ABCC4: variants seen among roughly 807,000 people sequenced by gnomAD.
The protein encoded by ABCC4 is ATP-binding cassette sub-family C member 4.
ABCC4 carries 102 observed loss-of-function variants against 168.5 expected under a neutral mutation model. The observed-to-expected ratio is 0.61, with a 90% CI of 0.52 to 0.71. ABCC4 has a LOEUF of 0.71. ABCC4 is among the 30% of genes least tolerant of loss of function. The probability of loss-of-function intolerance (pLI) is 0.00; values close to 1 mark genes in which losing one functional copy is unlikely to be tolerated. For missense variants in ABCC4, 1,402 were observed against 1,605.8 expected, an observed-to-expected ratio of 0.87 and a Z score of 2.17; for synonymous variants, 617 against 590.7, an observed-to-expected ratio of 1.04 and a Z score of -0.65.
intron 9 of ABCC4, among the ~76,000 whole-genome samples, chr13:95,191,424 A>C (rs2038247733): frequency 6.6e-6 from 1 of 152,192 alleles, no homozygotes; most frequent in East Asian, 1.9e-4. Flanking sequence ...ATTATATAAC[A>C]ACCACCCAGA....
chr13:95,209,694 A>G, intron 5 of ABCC4, 97 bp from the exon 6 acceptor site: 2 of 1,216,908 alleles, frequency 1.6e-6, no homozygotes, highest in Non-Finnish European at 2.2e-6. Context: ...AACAGGCAAG[A>G]TCCTAAACAG....
chr13:95,107,676 C>T (rs1231533621), intron 20 of ABCC4, among the ~76,000 whole-genome samples: 1 of 152,126 alleles, frequency 6.6e-6, no homozygotes, highest in East Asian at 1.9e-4. Flanking sequence ...CCTGTAATCC[C>T]AGCACTTTGG....
intron 19 of ABCC4, among the ~76,000 whole-genome samples, chr13:95,126,928 T>G (rs899596455): frequency 2.0e-5 from 3 of 149,364 alleles, no homozygotes; most frequent in African/African-American, 7.4e-5. Context: ...GGGGGGAAAT[T>G]TAACCATTGA....
chr13:95,207,859 C>T lies in ABCC4; in HGVS notation c.852G>A (p.Arg284=). 6.2e-7 allele frequency: 1 copy of T among 1,613,504 alleles called. No individual in the cohort carries two copies. Among genetic ancestry groups the T allele is most frequent in the Non-Finnish European group, 8.5e-7 (1 of 1,179,872 alleles). The change falls in exon 7 of 31, where the codon AGG becomes AGA. Residue 284 remains arginine, a synonymous_variant. Transcript: ENST00000645237. Reference sequence around the variant, plus strand: ...TTTCCCAGGCGTACATTTTTATTATCCTTATACCAGTTATAACTTCATTCA... The same window carrying T: ...TTTCCCAGGCGTACATTTTTATTATTCTTATACCAGTTATAACTTCATTCA... ...RTMNEVITGI[R]IIKMYAWEKS...
chr13:95,211,151 C>T (rs1174443987), intron 4 of ABCC4, among the ~76,000 whole-genome samples: 2 of 152,184 alleles, frequency 1.3e-5, no homozygotes, highest in East Asian at 1.9e-4. Context: ...ACTATAAATC[C>T]GTACCAATCA....
chr13:95,204,476 C>T (rs1307739563), intron 8 of ABCC4, among the ~76,000 whole-genome samples: 1 of 152,104 alleles, frequency 6.6e-6, no homozygotes, highest in African/African-American at 2.4e-5. Context: ...ATAGTGAGTT[C>T]TCATGAGATC....
intron 19 of ABCC4, among the ~76,000 whole-genome samples, chr13:95,121,300 A>T (rs2035561720): frequency 6.6e-6 from 1 of 152,196 alleles, no homozygotes; most frequent in African/African-American, 2.4e-5. Context: ...TTATGAAGGG[A>T]TCTTCTAAAT....
chr13:95,022,859 G>T (rs1410175702), intron 30 of ABCC4, among the ~76,000 whole-genome samples: 1 of 152,142 alleles, frequency 6.6e-6, no homozygotes, highest in Non-Finnish European at 1.5e-5. Flanking sequence ...TTGCACACTT[G>T]TTACTCCAGA....
At chr13:95,100,909 C>T (rs997556537) in intron 20 of ABCC4, among the ~76,000 whole-genome samples, 1 of 152,152 alleles carries the variant, frequency 6.6e-6, no homozygotes, top group Non-Finnish European at 1.5e-5. Context: ...ATGACAAAGT[C>T]ATTGTTCAGT....
chr13:95,170,235 C>G, intron 14 of ABCC4: 1 of 261,470 alleles, frequency 3.8e-6, no homozygotes, highest in Non-Finnish European at 7.3e-6. Context: ...GTCTTAGAGT[C>G]TGTAATTTCC....
intron 20 of ABCC4, among the ~76,000 whole-genome samples, chr13:95,111,912 T>C (rs1426756485): frequency 6.6e-6 from 1 of 152,140 alleles, no homozygotes; most frequent in Non-Finnish European, 1.5e-5. Context: ...TCCTCTCAGA[T>C]CTACCCCTCC....
chr13:95,276,414 C>CA (rs60996116), intron 1 of ABCC4, among the ~76,000 whole-genome samples: 1,332 of 87,576 alleles, frequency 0.015, 20 homozygotes, highest in Non-Finnish European at 0.018. Context: ...GACCCATCTC[C>CA]AAAAAAAAAA....
At chr13:95,100,942 G>A (rs1190976400) in intron 20 of ABCC4, among the ~76,000 whole-genome samples, 1 of 151,968 alleles carries the variant, frequency 6.6e-6, no homozygotes, top group Non-Finnish European at 1.5e-5. Flanking sequence ...CACTTTCCCT[G>A]ACATCTCTAC....
Position 95,032,425 on chromosome 13 carries a change from G to A in ABCC4, c.3870+2180C>T, listed in dbSNP as rs556329570. Among the ~76,000 whole-genome samples the A allele has an allele frequency of 2.4e-4, 37 of 152,314 alleles. 1 individual carries two copies. Among genetic ancestry groups the A allele is most frequent in the African/African-American group, 8.7e-4 (36 of 41,576 alleles). ...CTTTGGCTTATATTGTCAATGACTAGGGGCATGTTTAATGTATTTGTTAGT... is the reference window on the plus strand; with the variant it reads ...CTTTGGCTTATATTGTCAATGACTAAGGGCATGTTTAATGTATTTGTTAGT... On this transcript the variant is annotated intron_variant, in intron 30 of 30. Transcript: ENST00000645237.
chr13:95,094,147 AC>A (rs1316576920), intron 20 of ABCC4, among the ~76,000 whole-genome samples: 4 of 151,592 alleles, frequency 2.6e-5, no homozygotes, highest in African/African-American at 9.7e-5. Context: ...TCAAAATACC[AC>A]CATCATTCTG....
chr13:95,155,428 A>G (rs1387091671), intron 19 of ABCC4, among the ~76,000 whole-genome samples: 1 of 152,138 alleles, frequency 6.6e-6, no homozygotes, highest in Non-Finnish European at 1.5e-5. Flanking sequence ...AAAATCTAGT[A>G]CTAGCATTCG....
Position 95,166,370 on chromosome 13 carries a change from A to G in ABCC4, c.1825-3T>C, listed in dbSNP as rs377056175. On this transcript the variant is annotated splice_polypyrimidine_tract_variant and splice_region_variant and intron_variant, in intron 14 of 30. Transcript: ENST00000645237. ...GTCCCCTTCTGCACCATTTTACCCT[A>G]AAATAAAAATAAAGAATTTCAGAGA... is the stretch of plus-strand genomic sequence containing the variant. 31 of 1,606,416 alleles carry G rather than the reference A, an allele frequency of 1.9e-5. No homozygotes were observed. Among genetic ancestry groups the G allele is most frequent in the Non-Finnish European group, 2.5e-5 (29 of 1,176,134 alleles).
intron 20 of ABCC4, among the ~76,000 whole-genome samples, chr13:95,102,824 T>C (rs1242400001): frequency 6.7e-6 from 1 of 149,242 alleles, no homozygotes; most frequent in East Asian, 2.1e-4. Context: ...TTTCACCATG[T>C]TGGCCAGGCT....
At position 95,194,701 on chromosome 13, in the gene ABCC4, G is replaced by A. The variant is rs1190704643; in HGVS notation, c.1263+135C>T. ...AATTGCAAAACTTACTCCTAATTTT[G>A]AGAATCTTTGTAACATAGTTTCAGT... On this transcript the variant is annotated intron_variant, in intron 9 of 30. Coordinates refer to ENST00000645237, the MANE Select transcript of ABCC4 (RefSeq NM_005845.5). The A allele has an allele frequency of 8.0e-6, 5 of 621,920 alleles. No homozygotes were observed. In the African/African-American group the frequency reaches 9.4e-5, roughly 12 times the overall value. The allele number at this position is 621,920 out of a possible 1,614,324, so 38.5% of individuals were successfully genotyped here. A position where few individuals can be genotyped will look rare whatever the true frequency, so the allele number is the denominator to read the frequency against.
Sources: gnomAD v4.1 joint callset for allele counts (sites outside exome capture counted in the v4.1 genomes callset) on GRCh38, gnomAD v4.1.1 for gene constraint, MANE v1.5 for transcripts, NCBI Gene and HGNC (gene_info 2026-07-23, HGNC 2026-07-21) for gene names.